Variants in LINGO2 observed in about 807,000 individuals in gnomAD.
LINGO2 encodes the protein leucine rich repeat and Ig domain containing 2, also known as leucine-rich repeat and immunoglobulin-like domain-containing nogo receptor-interacting protein 2.
In LINGO2, 14 loss-of-function variants were observed where a neutral mutation model predicts 30.6. The observed-to-expected ratio is 0.46, with a 90% CI of 0.30 to 0.72. LINGO2 has a LOEUF of 0.72. LINGO2 is among the 30% of genes least tolerant of loss of function. The pLI, the probability that LINGO2 is intolerant of heterozygous loss-of-function variation, is 0.07. For synonymous variants in LINGO2, 317 were observed against 288.5 expected, an observed-to-expected ratio of 1.10 and a Z score of -1.00; for missense variants, 729 against 751.7, an observed-to-expected ratio of 0.97 and a Z score of 0.35.
intron 5 of LINGO2, among the ~76,000 whole-genome samples, chr9:27,977,793 A>C (rs1470401595): frequency 1.3e-5 from 2 of 151,870 alleles, no homozygotes; most frequent in East Asian, 3.9e-4. Context: ...GGGGAAAGAA[A>C]AAAAAAAAGG....
At chr9:28,061,161 A>G (rs772439399) in intron 4 of LINGO2, among the ~76,000 whole-genome samples, 5 of 149,136 alleles carry the variant, frequency 3.4e-5, no homozygotes, top group Non-Finnish European at 7.4e-5. Context: ...GTTCTCTGAT[A>G]CACACCACAC....
At chr9:28,779,751 T>C in the LINGO2 span, among the ~76,000 whole-genome samples, 1 of 152,136 alleles carries the variant, frequency 6.6e-6, no homozygotes, top group Non-Finnish European at 1.5e-5. Context: ...CTAATGTACA[T>C]GTTATTTTCA....
chr9:27,950,435 T>C (rs764467824), exon 6 of LINGO2: 1 of 1,613,852 alleles, frequency 6.2e-7, no homozygotes, highest in Non-Finnish European at 8.5e-7. Flanking sequence ...GCAGAGGATA[T>C]GATATGAATT....
chr9:29,134,408 T>C, the LINGO2 span, among the ~76,000 whole-genome samples: 8 of 152,168 alleles, frequency 5.3e-5, no homozygotes, highest in African/African-American at 1.9e-4. Flanking sequence ...TTGTCTAAAA[T>C]TTGAAAAATA....
the LINGO2 span, among the ~76,000 whole-genome samples, chr9:28,916,816 C>T: frequency 6.6e-6 from 1 of 152,156 alleles, no homozygotes; most frequent in Admixed American, 6.5e-5. Context: ...TTTTGGTTTA[C>T]AGGTTCCATT....
the LINGO2 span, among the ~76,000 whole-genome samples, chr9:29,096,704 T>A: frequency 7.1e-5 from 10 of 140,512 alleles, 2 homozygotes; most frequent in African/African-American, 2.7e-4. Flanking sequence ...TCCATTATTA[T>A]CTTTAATCAA....
chr9:27,991,423 T>A (rs532131149), intron 5 of LINGO2, among the ~76,000 whole-genome samples: 1 of 152,174 alleles, frequency 6.6e-6, no homozygotes, highest in East Asian at 1.9e-4. Flanking sequence ...TGGCAATCTG[T>A]GTTCAGATGA....
intron 1 of LINGO2, among the ~76,000 whole-genome samples, chr9:28,479,925 A>G (rs560267352): frequency 7.7e-4 from 73 of 94,500 alleles, no homozygotes; most frequent in Non-Finnish European, 1.1e-3. Flanking sequence ...ATATATATAT[A>G]TATATATATA....
chr9:28,628,471 G>A (rs912930423), intron 1 of LINGO2, among the ~76,000 whole-genome samples: 3 of 152,078 alleles, frequency 2.0e-5, no homozygotes, highest in Admixed American at 1.3e-4. Flanking sequence ...TGCGTATAGT[G>A]TGCTGATTTA....
chr9:29,095,370 T>C, the LINGO2 span, among the ~76,000 whole-genome samples: 5 of 137,954 alleles, frequency 3.6e-5, 2 homozygotes, highest in African/African-American at 1.4e-4. Flanking sequence ...AGTCAAAATT[T>C]AAGTGTATTC....
At position 28,187,476 on chromosome 9, in the gene LINGO2, C is replaced by T. The variant is rs370320412; in HGVS notation, c.-87+107732G>A. ...CTGTACTCCAACCTGAGTGACAGAG[C>T]GAGACTCTGTCTCAGAAAAAAAAAA... On this transcript the variant is annotated intron_variant, in intron 4 of 5. Transcript: ENST00000379992. 6.5e-4 allele frequency among the ~76,000 whole-genome samples: 87 copies of T among 134,198 alleles called. No homozygotes were observed. In the South Asian group the frequency reaches 0.014, roughly 22 times the overall value. The allele number at this position is 134,198 out of a possible 152,430, so 88.0% of individuals were successfully genotyped here. A position where few individuals can be genotyped will look rare whatever the true frequency, so the allele number is the denominator to read the frequency against.
At chr9:29,179,898 T>A in the LINGO2 span, among the ~76,000 whole-genome samples, 2 of 152,230 alleles carry the variant, frequency 1.3e-5, no homozygotes, top group South Asian at 4.1e-4. Flanking sequence ...TAATAGGAAC[T>A]TCTGAAGTTT....
At chr9:29,203,296 G>A in the LINGO2 span, among the ~76,000 whole-genome samples, 1 of 152,132 alleles carries the variant, frequency 6.6e-6, no homozygotes, top group African/African-American at 2.4e-5. Flanking sequence ...GCCAGACAAA[G>A]TAATCTGCTA....
intron 4 of LINGO2, among the ~76,000 whole-genome samples, chr9:28,188,323 T>TA (rs902605991): frequency 3.3e-5 from 5 of 152,182 alleles, no homozygotes; most frequent in Admixed American, 2.0e-4. Flanking sequence ...ATTTTTTCTT[T>TA]AAAAAATAAC....
intron 2 of LINGO2, among the ~76,000 whole-genome samples, chr9:28,401,950 G>A (rs557740744): frequency 2.6e-5 from 4 of 152,044 alleles, no homozygotes; most frequent in African/African-American, 9.6e-5. Flanking sequence ...TGAGGTGTCT[G>A]TTCATATCAT....
chr9:28,752,376 T>C, the LINGO2 span, among the ~76,000 whole-genome samples: 14 of 152,178 alleles, frequency 9.2e-5, no homozygotes, highest in Non-Finnish European at 1.8e-4. Context: ...TAGTTATTCA[T>C]TTAGAAACCA....
At chr9:28,713,937 C>G in the LINGO2 span, among the ~76,000 whole-genome samples, 28 of 152,076 alleles carry the variant, frequency 1.8e-4, no homozygotes, top group African/African-American at 6.3e-4. Context: ...GCAGGTGGAT[C>G]ACCTGAGGTC....
chr9:28,069,697 C>T (rs1207414488), intron 4 of LINGO2, among the ~76,000 whole-genome samples: 2 of 152,128 alleles, frequency 1.3e-5, no homozygotes, highest in African/African-American at 4.8e-5. Flanking sequence ...CGTTGAGGAG[C>T]ATACTGAAAG....
intron 1 of LINGO2, among the ~76,000 whole-genome samples, chr9:28,641,970 C>T (rs1827610940): frequency 6.6e-6 from 1 of 151,560 alleles, no homozygotes; most frequent in Non-Finnish European, 1.5e-5. Context: ...TACAAGTTCC[C>T]ATGAAATTCA....
Sources: allele counts gnomAD v4.1 joint callset (sites outside exome capture counted in the v4.1 genomes callset), GRCh38; gene constraint gnomAD v4.1.1; transcripts MANE v1.5; gene names NCBI Gene and HGNC (gene_info 2026-07-23, HGNC 2026-07-21).